Variants in KCNMB2 observed in about 807,000 individuals in gnomAD.
The protein encoded by KCNMB2 is potassium calcium-activated channel subfamily M regulatory beta subunit 2.
Under a neutral mutation model 24.5 loss-of-function variants are expected in KCNMB2, and 9 were observed. The observed-to-expected ratio is 0.37, with a 90% confidence interval of 0.22 to 0.64. KCNMB2 has a LOEUF of 0.64. KCNMB2 is among the 30% of genes least tolerant of loss of function. The pLI, the probability that KCNMB2 is intolerant of heterozygous loss-of-function variation, is 0.63. For synonymous variants in KCNMB2, 109 were observed against 104.4 expected, an observed-to-expected ratio of 1.04 and a Z score of -0.27; for missense variants, 226 against 284.3, an observed-to-expected ratio of 0.79 and a Z score of 1.47.
intron 4 of KCNMB2, among the ~76,000 whole-genome samples, chr3:178,830,599 C>T (rs926374423): frequency 1.3e-5 from 2 of 152,134 alleles, no homozygotes; most frequent in African/African-American, 4.8e-5. Context: ...AGAGTTCTTA[C>T]TGCTCCAAAT....
chr3:178,594,162 A>ACT (rs1387807356), intron 1 of KCNMB2, among the ~76,000 whole-genome samples: 15 of 151,972 alleles, frequency 9.9e-5, no homozygotes. Flanking sequence ...GGTAGACAGA[A>ACT]AATGAGGCAG....
intron 1 of KCNMB2, among the ~76,000 whole-genome samples, chr3:178,596,866 C>T (rs556370042): frequency 8.5e-5 from 13 of 152,258 alleles, no homozygotes; most frequent in Admixed American, 6.5e-4. Context: ...ACCCATAAAT[C>T]TCCACCAAAA....
intron 1 of KCNMB2, among the ~76,000 whole-genome samples, chr3:178,730,921 ACT>A (rs1723130325): frequency 6.6e-6 from 1 of 152,142 alleles, no homozygotes. Context: ...CTAATTGCTC[ACT>A]GTTATTCATT....
At chr3:178,568,823 T>C (rs1218608447) in intron 1 of KCNMB2, among the ~76,000 whole-genome samples, 3 of 82,758 alleles carry the variant, frequency 3.6e-5, no homozygotes, top group East Asian at 6.2e-4. Flanking sequence ...AGATAATAGA[T>C]AGATAGATGA....
intron 1 of KCNMB2, among the ~76,000 whole-genome samples, chr3:178,767,099 C>A (rs1172061070): frequency 6.6e-6 from 1 of 152,174 alleles, no homozygotes; most frequent in Admixed American, 6.5e-5. Flanking sequence ...ATGCACCGAA[C>A]AATCCCCCAA....
intron 1 of KCNMB2, among the ~76,000 whole-genome samples, chr3:178,612,656 G>A (rs1471350220): frequency 2.0e-5 from 3 of 152,110 alleles, no homozygotes; most frequent in Non-Finnish European, 2.9e-5. Flanking sequence ...CCTGTAGGCA[G>A]TGAATCAATG....
rs1019837407 is a variant in KCNMB2, at chr3:178,561,988, T to C, written c.-68+25277T>C. ...GTTATCCACTTTGGTGTACATGAAA[T>C]AAAATCTAAAATATCACCAAGACTT... On this transcript the variant is annotated intron_variant, in intron 1 of 4. Transcript: ENST00000452583. 1.6e-4 allele frequency among the ~76,000 whole-genome samples: 24 copies of C among 152,192 alleles called. 1 individual carries two copies. The highest frequency in any genetic ancestry group is 5.1e-4 in the African/African-American group (21 of 41,442).
intron 1 of KCNMB2, among the ~76,000 whole-genome samples, chr3:178,649,578 T>C (rs1310423631): frequency 1.3e-5 from 2 of 152,156 alleles, no homozygotes; most frequent in Non-Finnish European, 2.9e-5. Flanking sequence ...GGGATTTGAC[T>C]GTTCCTGGTT....
chr3:178,675,349 T>C (rs1182366545), intron 1 of KCNMB2, among the ~76,000 whole-genome samples: 2 of 152,120 alleles, frequency 1.3e-5, no homozygotes, highest in African/African-American at 2.4e-5. Flanking sequence ...TCCTCTAACT[T>C]GCATCAAGCT....
At chr3:178,628,970 A>G (rs1276170098) in intron 1 of KCNMB2, among the ~76,000 whole-genome samples, 2 of 152,192 alleles carry the variant, frequency 1.3e-5, no homozygotes, top group Non-Finnish European at 2.9e-5. Flanking sequence ...TCCTGATATC[A>G]TCTCAACAAT....
chr3:178,629,873 C>T (rs1367650633), intron 1 of KCNMB2, among the ~76,000 whole-genome samples: 1 of 152,174 alleles, frequency 6.6e-6, no homozygotes, highest in Admixed American at 6.5e-5. Context: ...TACCTCCATA[C>T]TTTCAAAGGG....
At chr3:178,587,687 C>A (rs1717497767) in intron 1 of KCNMB2, among the ~76,000 whole-genome samples, 1 of 149,072 alleles carries the variant, frequency 6.7e-6, no homozygotes, top group Non-Finnish European at 1.5e-5. Context: ...CTCAGGTGAT[C>A]CGCCCACCTC....
chr3:178,685,531 C>CT (rs1721435567), intron 1 of KCNMB2, among the ~76,000 whole-genome samples: 1 of 152,186 alleles, frequency 6.6e-6, no homozygotes, highest in South Asian at 2.1e-4. Context: ...TTATTCTTGC[C>CT]AAATCCATCA....
At position 178,777,472 on chromosome 3, in the gene KCNMB2, T is replaced by C. The variant is rs61796927; in HGVS notation, c.-67-29871T>C. On this transcript the variant is annotated intron_variant, in intron 1 of 4. Coordinates refer to ENST00000452583, the MANE Select transcript of KCNMB2 (RefSeq NM_181361.3). The stretch of plus-strand genomic sequence containing the variant: ...TCAGAAATGTTGGCAAGACATTACA[T>C]GGCAAGATGTACTAAAATATCTGGA... Among the ~76,000 whole-genome samples the C allele has an allele frequency of 3.7e-3, 570 of 152,276 alleles. 5 individuals carry two copies. The highest frequency in any genetic ancestry group is 5.3e-3 in the Non-Finnish European group (359 of 68,020).
In KCNMB2 at chr3:178,579,097, A is replaced by G. The variant is rs112556102; in HGVS notation, c.-68+42386A>G. ...TTCTTCTAAGAACCGCAACATGCTT[A>G]TTCTAAAATTGACCACATAATTGGA... On this transcript the variant is annotated intron_variant, in intron 1 of 4. Coordinates refer to ENST00000452583, the MANE Select transcript of KCNMB2 (RefSeq NM_181361.3). 3.7e-4 allele frequency among the ~76,000 whole-genome samples: 57 copies of G among 152,340 alleles called. 1 individual carries two copies. The highest frequency in any genetic ancestry group is 3.4e-3 in the Middle Eastern group (1 of 294).
intron 2 of KCNMB2, among the ~76,000 whole-genome samples, chr3:178,815,568 G>T (rs938874994): frequency 2.0e-5 from 3 of 151,916 alleles, no homozygotes; most frequent in Admixed American, 1.3e-4. Flanking sequence ...AGTAAATCAT[G>T]AATAAAACAG....
chr3:178,595,702 C>T (rs146371210), intron 1 of KCNMB2, among the ~76,000 whole-genome samples: 27 of 152,220 alleles, frequency 1.8e-4, no homozygotes, highest in African/African-American at 6.3e-4. Context: ...TTTCCTGAGG[C>T]CTCCCCAGCC....
intron 1 of KCNMB2, among the ~76,000 whole-genome samples, chr3:178,645,614 G>A (rs898465213): frequency 6.6e-6 from 1 of 152,192 alleles, no homozygotes; most frequent in Non-Finnish European, 1.5e-5. Flanking sequence ...CTCAAAGAGA[G>A]TGGAGGTATC....
chr3:178,702,796 T>TA (rs61472474), intron 1 of KCNMB2, among the ~76,000 whole-genome samples: 38,437 of 152,136 alleles, frequency 0.25, 5,387 homozygotes, highest in African/African-American at 0.37. Context: ...TTAGGGCAGA[T>TA]ACGCCAGACA....
Sources: gnomAD v4.1 joint callset for allele counts (sites outside exome capture counted in the v4.1 genomes callset) on GRCh38, gnomAD v4.1.1 for gene constraint, MANE v1.5 for transcripts, NCBI Gene and HGNC (gene_info 2026-07-23, HGNC 2026-07-21) for gene names.